The following PRH1 variants were observed in gnomAD, a reference collection of about 807,000 sequenced individuals.
The protein encoded by PRH1 is proline rich protein HaeIII subfamily 1, also known as salivary acidic proline-rich phosphoprotein 1/2.
A neutral mutation model predicts 7.9 loss-of-function variants in PRH1; 7 were observed. The ratio of observed to expected loss-of-function variants is 0.89; its 90% CI spans 0.50 to 1.67. The LOEUF (loss-of-function observed/expected upper bound fraction) is 1.67, where lower values mean the gene tolerates loss of function less well. PRH1 is among the 40% of genes most tolerant of loss of function. The pLI, the probability that PRH1 is intolerant of heterozygous loss-of-function variation, is 0.00. For synonymous variants in PRH1, 45 were observed against 80.8 expected (o/e 0.56, Z 2.38); for missense variants, 109 against 223.6 (o/e 0.49, Z 3.27).
At chr12:11,066,635 A>G (rs1943830922) in intron 1 of PRH1, among the ~76,000 whole-genome samples, 1 of 37,030 alleles carries the variant, frequency 2.7e-5, no homozygotes, top group Non-Finnish European at 9.0e-5. Context: ...AATGAGATAG[A>G]TGTATATATA....
chr12:11,163,170 A>G (rs1450248376), intron 1 of PRH1, among the ~76,000 whole-genome samples: 1 of 149,614 alleles, frequency 6.7e-6, no homozygotes, highest in East Asian at 2.1e-4. Flanking sequence ...CCCCTTCCAT[A>G]TCTTAAATTT....
chr12:11,046,001 T>C (rs891595432), intron 1 of PRH1, among the ~76,000 whole-genome samples: 1 of 152,168 alleles, frequency 6.6e-6, no homozygotes, highest in African/African-American at 2.4e-5. Context: ...GTAAAAAGGA[T>C]GTATATGACT....
intron 2 of PRH1, chr12:10,909,208 T>C: frequency 6.2e-7 from 1 of 1,613,552 alleles, no homozygotes. Flanking sequence ...TCAATGCAGT[T>C]GATCAGTACT....
intron 2 of PRH1, among the ~76,000 whole-genome samples, chr12:10,916,356 C>T (rs1429502164): frequency 6.6e-6 from 1 of 152,092 alleles, no homozygotes; most frequent in Non-Finnish European, 1.5e-5. Context: ...TCCAGAGATG[C>T]AGTTTAACAT....
At chr12:10,993,004 A>T (rs1008461663) in intron 1 of PRH1, among the ~76,000 whole-genome samples, 2 of 152,222 alleles carry the variant, frequency 1.3e-5, no homozygotes, top group African/African-American at 4.8e-5. Context: ...CATGACAAAA[A>T]ACTCAAAAGT....
At chr12:11,064,150 G>A (rs1943715635) in intron 1 of PRH1, among the ~76,000 whole-genome samples, 2 of 152,012 alleles carry the variant, frequency 1.3e-5, no homozygotes, top group Admixed American at 6.6e-5. Flanking sequence ...CCTGAGATAA[G>A]CAATATCCAA....
At chr12:11,146,970 T>C (rs1200399101) in intron 1 of PRH1, among the ~76,000 whole-genome samples, 1 of 152,184 alleles carries the variant, frequency 6.6e-6, no homozygotes, top group African/African-American at 2.4e-5. Flanking sequence ...ATAATTACAC[T>C]ATAATAAATC....
chr12:11,153,625 G>C (rs1440534840), intron 1 of PRH1, among the ~76,000 whole-genome samples: 2 of 152,110 alleles, frequency 1.3e-5, no homozygotes, highest in East Asian at 3.8e-4. Context: ...GTTACCTTGA[G>C]CTGTTTGGCT....
intron 1 of PRH1, among the ~76,000 whole-genome samples, chr12:11,083,346 T>TC (rs1565634424): frequency 4.4e-4 from 14 of 31,504 alleles, no homozygotes; most frequent in Non-Finnish European, 7.0e-4. Context: ...TCTTCCTTTT[T>TC]TAAATTAAAG....
chr12:11,072,847 C>T (rs1165571902), intron 1 of PRH1, among the ~76,000 whole-genome samples: 3 of 118,942 alleles, frequency 2.5e-5, no homozygotes, highest in African/African-American at 8.4e-5. Flanking sequence ...TTGGTAAGAA[C>T]GAAAGTGCTG....
chr12:11,158,404 T>G (rs1375490847), intron 1 of PRH1, among the ~76,000 whole-genome samples: 1 of 152,150 alleles, frequency 6.6e-6, no homozygotes, highest in Non-Finnish European at 1.5e-5. Context: ...TTTTCCCTAC[T>G]GTATTTATAA....
intron 2 of PRH1, among the ~76,000 whole-genome samples, chr12:10,920,226 CT>C (rs1300333237): frequency 1.4e-5 from 2 of 147,038 alleles, no homozygotes; most frequent in African/African-American, 5.4e-5. Flanking sequence ...CTGGATACCC[CT>C]ACCTTAATTT....
intron 1 of PRH1, among the ~76,000 whole-genome samples, chr12:11,098,694 A>T (rs540092435): frequency 3.7e-4 from 57 of 152,380 alleles, no homozygotes; most frequent in Non-Finnish European, 6.5e-4. Context: ...GTATACACAG[A>T]ATCCAAACTG....
At chr12:10,983,802 T>C (rs569663090) in intron 1 of PRH1, among the ~76,000 whole-genome samples, 7 of 152,280 alleles carry the variant, frequency 4.6e-5, no homozygotes, top group African/African-American at 1.7e-4. Flanking sequence ...AGCAGAGTCA[T>C]ATCATACATC....
chr12:11,117,591 G>A (rs752275092), downstream of PRH1, among the ~76,000 whole-genome samples: 5 of 152,028 alleles, frequency 3.3e-5, no homozygotes, highest in African/African-American at 9.7e-5. Flanking sequence ...AGCCACAACT[G>A]ACCCAGAATA....
chr12:11,163,857 A>G (rs1197988176), intron 1 of PRH1, among the ~76,000 whole-genome samples: 2 of 152,180 alleles, frequency 1.3e-5, no homozygotes, highest in African/African-American at 4.8e-5. Context: ...AGGGACATAA[A>G]AAAGAAGCTG....
chr12:11,109,822 T>G (rs923647209), intron 1 of PRH1, among the ~76,000 whole-genome samples: 2 of 152,084 alleles, frequency 1.3e-5, no homozygotes, highest in Non-Finnish European at 2.9e-5. Flanking sequence ...GAGAATGAGT[T>G]TGATGAATTG....
chr12:10,930,374 GTCT>G (rs1950187334), intron 2 of PRH1: 4 of 1,557,768 alleles, frequency 2.6e-6, no homozygotes, highest in Non-Finnish European at 3.5e-6. Context: ...GTTCTCCAGT[GTCT>G]TCTTATCATC....
At chr12:10,986,870 G>GA (rs749639856) in intron 1 of PRH1, 4 of 1,479,572 alleles carry the variant, frequency 2.7e-6, no homozygotes, top group Non-Finnish European at 2.7e-6. Context: ...TATCTGAGCA[G>GA]AAAAAAAGAA....
Sources: allele counts gnomAD v4.1 joint callset (sites outside exome capture counted in the v4.1 genomes callset), GRCh38; gene constraint gnomAD v4.1.1; transcripts MANE v1.5; gene names NCBI Gene and HGNC (gene_info 2026-07-23, HGNC 2026-07-21).